HLA-DRB1: variants seen among roughly 807,000 people sequenced by gnomAD.
HLA-DRB1 encodes the protein major histocompatibility complex, class II, DR beta 1.
HLA-DRB1 carries 10 observed loss-of-function variants against 27.9 expected under a neutral mutation model. That is an observed-to-expected ratio of 0.36 (90% CI 0.22 to 0.61). HLA-DRB1 has a LOEUF of 0.61. HLA-DRB1 is among the 20% of genes least tolerant of loss of function. The probability of loss-of-function intolerance (pLI) is 0.73; values close to 1 mark genes in which losing one functional copy is unlikely to be tolerated. For synonymous variants in HLA-DRB1, 57 were observed against 126.7 expected (o/e 0.45, Z 3.69); for missense variants, 118 against 306.3 (o/e 0.39, Z 4.59).
chr6:32,583,861 C>T (rs41285648), intron 2 of HLA-DRB1, among the ~76,000 whole-genome samples: 850 of 59,142 alleles, frequency 0.014, 1 homozygote, highest in Non-Finnish European at 0.02. Context: ...CCTCCTGCCT[C>T]CCCTCCCACA....
intron 5 of HLA-DRB1, 72 bp from the exon 6 acceptor site, chr6:32,579,176 G>A (rs9269697): frequency 0.19 from 68,445 of 359,452 alleles, 17,907 homozygotes; most frequent in African/African-American, 0.46. Flanking sequence ...TCTTTCAAGG[G>A]CTCAGATGAG....
At chr6:32,588,611 G>A (rs13212176) in intron 1 of HLA-DRB1, among the ~76,000 whole-genome samples, 15 of 63,756 alleles carry the variant, frequency 2.4e-4, no homozygotes, top group South Asian at 2.1e-3. Flanking sequence ...CTGAGGGCAT[G>A]ATGGGTGAAC....
At position 32,588,586 on chromosome 6, in the gene HLA-DRB1, G is replaced by C. The variant is rs1776875872; in HGVS notation, c.100+1057C>G. 3.0e-5 allele frequency among the ~76,000 whole-genome samples: 2 copies of C among 67,002 alleles called. 1 individual carries two copies. The highest frequency in any genetic ancestry group is 6.1e-5 in the Non-Finnish European group (2 of 32,806). The allele number at this position is 67,002 out of a possible 152,430, so 44.0% of individuals were successfully genotyped here. A position where few individuals can be genotyped will look rare whatever the true frequency, so the allele number is the denominator to read the frequency against. Reference sequence around the variant, plus strand: ...CTGGAGGAAGAGGTAAGCAGACATGGCTAGTTAAGGAAAGCTGAGGGCATG... The same window carrying C: ...CTGGAGGAAGAGGTAAGCAGACATGCCTAGTTAAGGAAAGCTGAGGGCATG... On this transcript the variant is annotated intron_variant, in intron 1 of 5. Coordinates refer to ENST00000360004, the Ensembl canonical transcript of HLA-DRB1.
chr6:32,585,946 A>C (rs115609091), intron 1 of HLA-DRB1, among the ~76,000 whole-genome samples: 35,978 of 96,038 alleles, frequency 0.37, 8,814 homozygotes, highest in Middle Eastern at 0.54. Context: ...TCATTGCAAA[A>C]TGTTACATGG....
At chr6:32,584,490 G>GC (rs1286903919) in intron 1 of HLA-DRB1, 112 bp from the exon 2 acceptor site, 22 of 672,904 alleles carry the variant, frequency 3.3e-5, no homozygotes, top group Middle Eastern at 4.2e-4. Flanking sequence ...ACCTTAACCG[G>GC]CCCCACCCGC....
rs1224616502 is a variant in HLA-DRB1 at position 32,585,620 on chromosome 6, A to G, written c.101-1242T>C. On this transcript the variant is annotated intron_variant, in intron 1 of 5. Coordinates refer to ENST00000360004, the Ensembl canonical transcript of HLA-DRB1. ...ATTAGTATCTTCATCATGATTTTGC[A>G]ATTGTCTTCTGTTCTTCTATTAGTT... 6.4e-4 allele frequency among the ~76,000 whole-genome samples: 91 copies of G among 142,386 alleles called. 1 individual carries two copies. Among genetic ancestry groups the G allele is most frequent in the Non-Finnish European group, 2.3e-4 (15 of 66,188 alleles). The allele number at this position is 142,386 out of a possible 152,430, so 93.4% of individuals were successfully genotyped here. A position where few individuals can be genotyped will look rare whatever the true frequency, so the allele number is the denominator to read the frequency against.
intron 1 of HLA-DRB1, among the ~76,000 whole-genome samples, chr6:32,584,666 C>G (rs1776125070): frequency 7.0e-6 from 1 of 142,618 alleles, no homozygotes; most frequent in Non-Finnish European, 1.5e-5. Flanking sequence ...GAGGAGGATC[C>G]GCCCAGCACC....
At position 32,589,582 on chromosome 6, in the gene HLA-DRB1, T is replaced by G. The variant is rs1213326940; in HGVS notation, c.100+61A>C. ...TAAGGGACATGGCCTGGGCACAATG[T>G]TAACAAAACTCCCTATTTTCCCCAC... On this transcript the variant is annotated intron_variant, in intron 1 of 5. Coordinates refer to ENST00000360004, the Ensembl canonical transcript of HLA-DRB1. 10 of 430,492 alleles carry G rather than the reference T, an allele frequency of 2.3e-5. No individual in the cohort carries two copies. The Admixed American group carries it at 3.8e-4, about 16-fold the overall frequency. The allele number at this position is 430,492 out of a possible 1,614,324, so 26.7% of individuals were successfully genotyped here. A position where few individuals can be genotyped will look rare whatever the true frequency, so the allele number is the denominator to read the frequency against.
chr6:32,584,086 G>T lies in HLA-DRB1; in HGVS notation c.370+23C>A, dbSNP rs187726637. 1.1e-5 allele frequency: 8 copies of T among 720,016 alleles called. 2 individuals are homozygous for T. Among genetic ancestry groups the T allele is most frequent in the Non-Finnish European group, 1.4e-5 (7 of 508,142 alleles). 44.6% of individuals were successfully genotyped at this position (720,016 alleles called of 1,614,324 possible). On this transcript the variant is annotated intron_variant, in intron 2 of 5. Transcript: ENST00000360004. ...AGATTCCCAGCTCACGGGGACTCAG[G>T]CCCCGCCCGCGGCCATGCTCACCTC...
At chr6:32,589,480 A>C (rs28366211) in intron 1 of HLA-DRB1, among the ~76,000 whole-genome samples, 163 bp downstream of exon 1, 436 of 80,484 alleles carry the variant, frequency 5.4e-3, no homozygotes, top group South Asian at 7.9e-3. Context: ...CAAGTACCCA[A>C]GCTCCTTTTA....
At chr6:32,588,298 T>C (rs1186301016) in intron 1 of HLA-DRB1, among the ~76,000 whole-genome samples, 1 of 130,296 alleles carries the variant, frequency 7.7e-6, no homozygotes, top group Non-Finnish European at 1.7e-5. Context: ...TCTACCAAAA[T>C]TACAAAAATT....
Position 32,585,574 on chromosome 6 carries a change from GTAT to G in HLA-DRB1, c.101-1199_101-1197del, listed in dbSNP as rs909249775. Among the ~76,000 whole-genome samples, 32 of 126,214 alleles carry G rather than the reference GTAT, an allele frequency of 2.5e-4. 1 individual carries two copies. Among genetic ancestry groups the G allele is most frequent in the African/African-American group, 9.4e-4 (32 of 34,150 alleles). 82.8% of individuals were successfully genotyped at this position (126,214 alleles called of 152,430 possible). A position where few individuals can be genotyped will look rare whatever the true frequency, so the allele number is the denominator to read the frequency against. On this transcript the variant is annotated intron_variant, in intron 1 of 5. Transcript: ENST00000360004. Reference sequence around the variant, plus strand: ...ATAACTGCAGCTCATATTATTTTTTGTATTCCTTAATTCTAAAGCAATTAGTAT... The same window carrying G: ...ATAACTGCAGCTCATATTATTTTTTGTCCTTAATTCTAAAGCAATTAGTAT...
Position 32,586,105 on chromosome 6 carries a change from G to A in HLA-DRB1, c.101-1727C>T, listed in dbSNP as rs35586532. Among the ~76,000 whole-genome samples, 58 of 81,156 alleles carry A rather than the reference G, an allele frequency of 7.1e-4. 2 individuals are homozygous for A. The highest frequency in any genetic ancestry group is 2.7e-3 in the African/African-American group (58 of 21,578). 53.2% of individuals were successfully genotyped at this position (81,156 alleles called of 152,430 possible). A position where few individuals can be genotyped will look rare whatever the true frequency, so the allele number is the denominator to read the frequency against. ...ATTGGCTGTGTGACATTTTGCATGA[G>A]TAGTCACCACTGCACACAGGGGCTC... On this transcript the variant is annotated intron_variant, in intron 1 of 5. Coordinates refer to ENST00000360004, the Ensembl canonical transcript of HLA-DRB1.
intron 1 of HLA-DRB1, among the ~76,000 whole-genome samples, chr6:32,584,707 C>CGTG (rs1220752063): frequency 1.0e-5 from 1 of 98,964 alleles, no homozygotes; most frequent in Non-Finnish European, 2.0e-5. Flanking sequence ...CTGGGAGCCC[C>CGTG]AAAGACACTC....
chr6:32,581,774 G>A (rs17885192), exon 3 of HLA-DRB1: 1 of 1,551,076 alleles, frequency 6.4e-7, no homozygotes. Flanking sequence ...TCACAGAGCA[G>A]ACCAGGAGGT....
intron 3 of HLA-DRB1, among the ~76,000 whole-genome samples, chr6:32,581,213 C>T (rs28732308): frequency 0.06 from 3,912 of 65,220 alleles, 288 homozygotes; most frequent in East Asian, 0.11. Flanking sequence ...TCTCCTCTTC[C>T]CAGATCACAA....
intron 1 of HLA-DRB1, among the ~76,000 whole-genome samples, chr6:32,584,659 G>A (rs1245102334): frequency 1.4e-5 from 2 of 145,274 alleles, no homozygotes; most frequent in Non-Finnish European, 3.0e-5. Flanking sequence ...GGAGCTGGAG[G>A]AGGATCCGCC....
chr6:32,586,929 T>C, intron 1 of HLA-DRB1, among the ~76,000 whole-genome samples: 1 of 105,378 alleles, frequency 9.5e-6, no homozygotes, highest in Non-Finnish European at 1.9e-5. Context: ...GCCAAGTCTG[T>C]CCACTTTATC....
chr6:32,588,929 T>C (rs34232122), intron 1 of HLA-DRB1, among the ~76,000 whole-genome samples: 13,204 of 105,024 alleles, frequency 0.13, 1,341 homozygotes, highest in East Asian at 0.17. Context: ...GGCTAGTTTT[T>C]CAGAGGATGC....
Sources: gnomAD v4.1 joint callset for allele counts (sites outside exome capture counted in the v4.1 genomes callset) on GRCh38, gnomAD v4.1.1 for gene constraint, MANE v1.5 for transcripts, NCBI Gene and HGNC (gene_info 2026-07-23, HGNC 2026-07-21) for gene names.